Variants in EYS observed in about 807,000 individuals in gnomAD.
The protein encoded by EYS is EGF-like photoreceptor maintenance factor.
EYS carries 250 observed loss-of-function variants against 282.1 expected under a neutral mutation model. That is an observed-to-expected ratio of 0.89 (90% CI 0.80 to 0.98). The LOEUF (loss-of-function observed/expected upper bound fraction) is 0.98, where lower values mean the gene tolerates loss of function less well. Ranked by LOEUF, EYS falls within the 50% of genes least tolerant of loss-of-function variation. EYS has a pLI of 0.00. For missense variants in EYS, 4,016 were observed against 3,709.0 expected, an observed-to-expected ratio of 1.08 and a Z score of -2.15; for synonymous variants, 1,355 against 1,282.9, an observed-to-expected ratio of 1.06 and a Z score of -1.20.
intron 26 of EYS, among the ~76,000 whole-genome samples, chr6:64,589,243 A>G (rs1766324419): frequency 6.6e-6 from 1 of 152,074 alleles, no homozygotes; most frequent in African/African-American, 2.4e-5. Context: ...TATTGAATAT[A>G]TGATATACCA....
At chr6:64,915,627 G>C (rs1768136743) in intron 15 of EYS, among the ~76,000 whole-genome samples, 1 of 152,022 alleles carries the variant, frequency 6.6e-6, no homozygotes, top group Non-Finnish European at 1.5e-5. Context: ...TACATTTTCT[G>C]ACCTATGAGC....
chr6:64,957,630 G>T (rs987028564), intron 14 of EYS, among the ~76,000 whole-genome samples: 1 of 152,184 alleles, frequency 6.6e-6, no homozygotes, highest in Non-Finnish European at 1.5e-5. Flanking sequence ...ACAGATGAAT[G>T]CTTGAAGGGA....
intron 26 of EYS, among the ~76,000 whole-genome samples, chr6:64,503,085 C>A (rs561593420): frequency 2.9e-4 from 44 of 152,324 alleles, no homozygotes; most frequent in African/African-American, 5.1e-4. Flanking sequence ...TCAGTTATTT[C>A]TGTCTGTCAA....
intron 12 of EYS, among the ~76,000 whole-genome samples, chr6:65,211,462 A>G (rs1766174907): frequency 6.6e-6 from 1 of 152,052 alleles, no homozygotes; most frequent in Admixed American, 6.6e-5. Context: ...CAGGACTGTT[A>G]AGAGACTGTA....
chr6:64,779,157 A>G (rs1056237678), intron 22 of EYS, among the ~76,000 whole-genome samples: 1 of 152,152 alleles, frequency 6.6e-6, no homozygotes, highest in African/African-American at 2.4e-5. Flanking sequence ...ACCAAAGTAA[A>G]TTGAAAATTT....
chr6:65,243,779 C>T (rs1261463989), intron 12 of EYS, among the ~76,000 whole-genome samples: 2 of 152,042 alleles, frequency 1.3e-5, no homozygotes, highest in South Asian at 2.1e-4. Flanking sequence ...TGTGGTGGCA[C>T]GGGCCTGTAA....
chr6:65,554,937 T>C (rs750350846), intron 2 of EYS, among the ~76,000 whole-genome samples: 5 of 152,116 alleles, frequency 3.3e-5, no homozygotes, highest in African/African-American at 7.2e-5. Flanking sequence ...TGCACAATTA[T>C]GCATTCATAT....
chr6:65,165,870 G>A (rs1407739145), intron 12 of EYS, among the ~76,000 whole-genome samples: 1 of 150,988 alleles, frequency 6.6e-6, no homozygotes, highest in Non-Finnish European at 1.5e-5. Flanking sequence ...AGAACCAAGA[G>A]TGGGTTTAGC....
intron 5 of EYS, among the ~76,000 whole-genome samples, chr6:65,471,142 A>T (rs1482093977): frequency 6.6e-6 from 1 of 151,724 alleles, no homozygotes; most frequent in Non-Finnish European, 1.5e-5. Context: ...GTCTCAAAAA[A>T]CAAACAAACA....
At chr6:65,347,863 C>T (rs1243239096) in intron 9 of EYS, among the ~76,000 whole-genome samples, 2 of 151,328 alleles carry the variant, frequency 1.3e-5, no homozygotes, top group African/African-American at 2.4e-5. Context: ...TATCTATCCC[C>T]ACTTCCATCC....
intron 28 of EYS, among the ~76,000 whole-genome samples, chr6:64,423,114 A>AG (rs1471861308): frequency 1.3e-5 from 2 of 152,172 alleles, no homozygotes; most frequent in East Asian, 3.9e-4. Context: ...GCATTTTGTT[A>AG]GATCTTGAGA....
At chr6:64,412,489 T>G (rs1582720712) in intron 28 of EYS, 1 of 152,102 alleles carries the variant, frequency 6.6e-6, no homozygotes, top group African/African-American at 2.4e-5. Context: ...TAGAGATATA[T>G]AGGAGGATGC....
chr6:63,779,385 C>G (rs1770149254), intron 39 of EYS: 1 of 150,632 alleles, frequency 6.6e-6, no homozygotes, highest in African/African-American at 2.4e-5. Flanking sequence ...ACTCCAGAGG[C>G]AGAGCTTGAA....
chr6:64,965,953 A>AGTGTGT (rs35672727), intron 14 of EYS, among the ~76,000 whole-genome samples: 1 of 147,516 alleles, frequency 6.8e-6, no homozygotes, highest in Non-Finnish European at 1.5e-5. Flanking sequence ...GAAAATTGTG[A>AGTGTGT]GTGTGTGTGT....
rs147511508 is a variant in EYS at position 64,851,021 on chromosome 6, T to A, written c.2993-28199A>T. On this transcript the variant is annotated intron_variant, in intron 19 of 42. Coordinates refer to ENST00000503581, the MANE Select transcript of EYS (RefSeq NM_001142800.2). Reference sequence around the variant, plus strand: ...CAAAGCCCAGCAGTTTAAACTTGTGTACATTGTGGTGGTTTGGCAGTATTT... The same window carrying A: ...CAAAGCCCAGCAGTTTAAACTTGTGAACATTGTGGTGGTTTGGCAGTATTT... Among the ~76,000 whole-genome samples, 258 of 152,234 alleles carry A rather than the reference T, an allele frequency of 1.7e-3. 1 individual carries two copies. The highest frequency in any genetic ancestry group is 6.0e-3 in the African/African-American group (248 of 41,548).
chr6:63,869,141 T>C (rs527462657), intron 35 of EYS, among the ~76,000 whole-genome samples: 1 of 152,232 alleles, frequency 6.6e-6, no homozygotes, highest in South Asian at 2.1e-4. Context: ...TTTTTCTTTA[T>C]ATGAAAGGGT....
chr6:65,246,909 C>A (rs1423099326), intron 12 of EYS, among the ~76,000 whole-genome samples: 2 of 151,928 alleles, frequency 1.3e-5, no homozygotes, highest in Non-Finnish European at 2.9e-5. Context: ...AAGTAACAAA[C>A]ATAAGGCTAA....
chr6:64,100,094 A>G (rs564968511), intron 31 of EYS, among the ~76,000 whole-genome samples: 7 of 152,204 alleles, frequency 4.6e-5, no homozygotes, highest in African/African-American at 1.7e-4. Context: ...AGATATTTCT[A>G]GACTGATATT....
chr6:65,178,735 C>T (rs1197933746), intron 12 of EYS, among the ~76,000 whole-genome samples: 1 of 152,052 alleles, frequency 6.6e-6, no homozygotes, highest in Non-Finnish European at 1.5e-5. Flanking sequence ...CAGAACTCTC[C>T]ACCCGAAATC....
Sources: allele counts gnomAD v4.1 joint callset (sites outside exome capture counted in the v4.1 genomes callset), GRCh38; gene constraint gnomAD v4.1.1; transcripts MANE v1.5; gene names NCBI Gene and HGNC (gene_info 2026-07-23, HGNC 2026-07-21).